PARD3: variants seen among roughly 807,000 people sequenced by gnomAD.
PARD3 encodes partitioning defective 3 homolog.
A neutral mutation model predicts 155.4 loss-of-function variants in PARD3; 75 were observed. The observed-to-expected ratio is 0.48, with a 90% CI of 0.40 to 0.58. The LOEUF is 0.58. Among genes scored for constraint, PARD3 ranks in the 20% least tolerant of loss-of-function variants. The pLI is 0.00. For synonymous variants in PARD3, 576 were observed against 610.5 expected, an observed-to-expected ratio of 0.94 and a Z score of 0.83; for missense variants, 1,642 against 1,721.7, an observed-to-expected ratio of 0.95 and a Z score of 0.82.
chr10:34,357,637 T>C (rs1314391852), intron 14 of PARD3, among the ~76,000 whole-genome samples: 1 of 152,170 alleles, frequency 6.6e-6, no homozygotes, highest in Non-Finnish European at 1.5e-5. Context: ...GAAAAAAATA[T>C]CAGTCCAGCA....
intron 2 of PARD3, among the ~76,000 whole-genome samples, chr10:34,657,775 G>T (rs1008089870): frequency 6.6e-6 from 1 of 152,086 alleles, no homozygotes; most frequent in African/African-American, 2.4e-5. Flanking sequence ...CTGACCTCAG[G>T]TGATCCGCCT....
intron 22 of PARD3, among the ~76,000 whole-genome samples, chr10:34,260,889 G>A (rs764126627): frequency 2.0e-5 from 3 of 152,114 alleles, no homozygotes; most frequent in Admixed American, 2.0e-4. Context: ...TTCTGTGTTT[G>A]CCAGGCTTCC....
intron 22 of PARD3, among the ~76,000 whole-genome samples, chr10:34,161,499 C>A (rs1223927525): frequency 6.6e-6 from 1 of 151,944 alleles, no homozygotes; most frequent in Non-Finnish European, 1.5e-5. Flanking sequence ...GAAGTCAAAT[C>A]CCCTGCATAA....
intron 22 of PARD3, among the ~76,000 whole-genome samples, chr10:34,235,226 T>C (rs1052065182): frequency 2.0e-5 from 3 of 152,226 alleles, no homozygotes; most frequent in Non-Finnish European, 4.4e-5. Context: ...TATAGAACTA[T>C]AAAAGCTTCT....
Position 34,470,105 on chromosome 10 carries a change from G to A in PARD3, c.562C>T (p.Pro188Ser), listed in dbSNP as rs751194470. ...GTTACCTTCCTGTCGCAGGTTTTAG[G>A]ACTCCCAGCAGTGTTCTGCTTGAGG... is the stretch of plus-strand genomic sequence containing the variant. ...GFLKQNTAGS[P>S]KTCDRKKDEN... The change falls in exon 4 of 25, where the codon CCT becomes TCT. Residue 188 changes from proline to serine, a missense_variant. Pro to Ser is a moderately conservative substitution (Grantham distance 74). This residue lies in a region of PARD3 where 1,529 missense variants were observed against 1,587.3 expected (regional missense o/e 0.96). Transcript: ENST00000374788. 6.2e-7 allele frequency: 1 copy of A among 1,607,452 alleles called. No homozygotes were observed. Among genetic ancestry groups the A allele is most frequent in the Admixed American group, 1.7e-5 (1 of 59,130 alleles).
chr10:34,220,495 A>C (rs12773933), intron 22 of PARD3, among the ~76,000 whole-genome samples: 4,895 of 152,262 alleles, frequency 0.032, 118 homozygotes, highest in East Asian at 0.13. Flanking sequence ...GTGCTCAAAC[A>C]AGAGCTGTTT....
chr10:34,405,558 C>T (rs1844376492), intron 5 of PARD3, among the ~76,000 whole-genome samples: 1 of 152,062 alleles, frequency 6.6e-6, no homozygotes, highest in Non-Finnish European at 1.5e-5. Flanking sequence ...CAATCAAGTA[C>T]ATGGCAAGAA....
At chr10:34,343,387 AT>A (rs1229013152) in intron 15 of PARD3, 8 of 982,524 alleles carry the variant, frequency 8.1e-6, no homozygotes, top group Non-Finnish European at 9.7e-6. Context: ...GGGGCATATG[AT>A]TTTTTTTGTA....
At chr10:34,352,653 C>T (rs978802662) in intron 14 of PARD3, among the ~76,000 whole-genome samples, 1 of 152,230 alleles carries the variant, frequency 6.6e-6, no homozygotes, top group African/African-American at 2.4e-5. Flanking sequence ...AGTGCTCAAT[C>T]TTGCCCAGGC....
intron 1 of PARD3, among the ~76,000 whole-genome samples, chr10:34,769,389 C>T (rs77196258): frequency 0.019 from 2,907 of 152,264 alleles, 41 homozygotes; most frequent in Middle Eastern, 0.027. Context: ...AACACCAAAT[C>T]GACACTGCCA....
intron 2 of PARD3, among the ~76,000 whole-genome samples, chr10:34,578,115 TC>T: frequency 6.6e-6 from 1 of 151,874 alleles, no homozygotes. Flanking sequence ...CCTCAAGCAA[TC>T]CTGCTGCTTC....
chr10:34,211,208 G>A (rs1951731503), intron 22 of PARD3, among the ~76,000 whole-genome samples: 1 of 152,162 alleles, frequency 6.6e-6, no homozygotes, highest in Non-Finnish European at 1.5e-5. Context: ...CTCCAACCAA[G>A]AGATGTGGAG....
chr10:34,225,609 G>A (rs575992695), intron 22 of PARD3, among the ~76,000 whole-genome samples: 117 of 152,340 alleles, frequency 7.7e-4, no homozygotes, highest in African/African-American at 2.6e-3. Context: ...GCCTCCTAAA[G>A]TGCTGGGATT....
In PARD3 at chr10:34,723,618, T is replaced by C. The variant is rs182820982; in HGVS notation, c.121-27199A>G. On this transcript the variant is annotated intron_variant, in intron 1 of 24. Transcript: ENST00000374788. ...AATGTATTAGATATCAATCAGATCA[T>C]AGTAATTAATCTCAGCTTTATGATG... is the stretch of plus-strand genomic sequence containing the variant. Among the ~76,000 whole-genome samples the C allele has an allele frequency of 5.3e-5, 8 of 152,354 alleles. No homozygotes were observed. The South Asian group carries it at 6.2e-4, about 12-fold the overall frequency.
Position 34,751,613 on chromosome 10 carries a change from T to C in PARD3, c.121-55194A>G, listed in dbSNP as rs189105755. 9.2e-5 allele frequency among the ~76,000 whole-genome samples: 14 copies of C among 152,200 alleles called. No individual in the cohort carries two copies. In the East Asian group the frequency reaches 2.5e-3, roughly 27 times the overall value. ...CCTAAGTCCCAATTAAACCTTTCTC[T>C]CTTTTTTTGAGATGGGGTCTTGCTC... On this transcript the variant is annotated intron_variant, in intron 1 of 24. Transcript: ENST00000374788.
chr10:34,731,131 T>C (rs2094810442), intron 1 of PARD3, among the ~76,000 whole-genome samples: 1 of 152,174 alleles, frequency 6.6e-6, no homozygotes, highest in South Asian at 2.1e-4. Context: ...TTTTTTACGC[T>C]GTTTTCTCTC....
chr10:34,350,000 T>C (rs1403162453), intron 14 of PARD3, among the ~76,000 whole-genome samples: 3 of 152,186 alleles, frequency 2.0e-5, no homozygotes, highest in Non-Finnish European at 4.4e-5. Flanking sequence ...AACATTTTCA[T>C]AGGAAAGATT....
At chr10:34,725,435 G>A (rs1419552419) in intron 1 of PARD3, among the ~76,000 whole-genome samples, 1 of 152,124 alleles carries the variant, frequency 6.6e-6, no homozygotes, top group African/African-American at 2.4e-5. Context: ...GATTCCAGGT[G>A]TGAGCCACCA....
intron 22 of PARD3, among the ~76,000 whole-genome samples, chr10:34,132,624 A>G (rs997514669): frequency 4.6e-5 from 7 of 152,200 alleles, no homozygotes; most frequent in Non-Finnish European, 7.3e-5. Context: ...CTTTTGGTCT[A>G]TGCCATTCAC....
Sources: allele counts gnomAD v4.1 joint callset (sites outside exome capture counted in the v4.1 genomes callset), GRCh38; gene constraint gnomAD v4.1.1; regional missense constraint gnomAD v4.1.1; transcripts MANE v1.5; gene names NCBI Gene and HGNC (gene_info 2026-07-23, HGNC 2026-07-21).